MYSM1: variants seen among roughly 807,000 people sequenced by gnomAD.
MYSM1 encodes the protein Myb like, SWIRM and MPN domains 1.
In MYSM1, 51 loss-of-function variants were observed where a neutral mutation model predicts 116.0. The observed-to-expected ratio is 0.44, with a 90% CI of 0.35 to 0.56. MYSM1 has a LOEUF of 0.56. Among genes scored for constraint, MYSM1 ranks in the 20% least tolerant of loss-of-function variants. The probability of loss-of-function intolerance (pLI) is 0.00; values close to 1 mark genes in which losing one functional copy is unlikely to be tolerated. For synonymous variants in MYSM1, 313 were observed against 315.2 expected (o/e 0.99, Z 0.07); for missense variants, 900 against 974.9 (o/e 0.92, Z 1.02).
intron 2 of MYSM1, 58 bp downstream of exon 2, chr1:58,695,071 A>C: frequency 1.1e-6 from 1 of 941,888 alleles, no homozygotes. Flanking sequence ...AAAAAGAAGA[A>C]GCACTCTAGG....
At position 58,690,132 on chromosome 1, in the gene MYSM1, G is replaced by A. The variant is rs956096753; in HGVS notation, c.320+94C>T. The A allele has an allele frequency of 1.9e-5, 19 of 993,862 alleles. No homozygotes were observed. In the East Asian group the frequency reaches 5.4e-4, roughly 28 times the overall value. 61.6% of individuals were successfully genotyped at this position (993,862 alleles called of 1,614,324 possible). On this transcript the variant is annotated intron_variant, in intron 5 of 19. Transcript: ENST00000472487. ...TTATATCTACTTTAAGGTCAAGAGG[G>A]CTTTTCCACAGGCCAACTATAATTA... is the stretch of plus-strand genomic sequence containing the variant.
intron 17 of MYSM1, among the ~76,000 whole-genome samples, chr1:58,664,732 G>C (rs929112047): frequency 1.3e-5 from 2 of 152,130 alleles, no homozygotes; most frequent in African/African-American, 4.8e-5. Flanking sequence ...GAAAAAATGG[G>C]TACAATACAG....
intron 10 of MYSM1, among the ~76,000 whole-genome samples, chr1:58,674,931 A>T (rs539336111): frequency 6.7e-6 from 1 of 149,402 alleles, no homozygotes; most frequent in Non-Finnish European, 1.5e-5. Flanking sequence ...TGTCTCAAAA[A>T]AAAAAAAAAA....
chr1:58,668,890 A>G, intron 13 of MYSM1, 94 bp downstream of exon 13: 1 of 1,033,268 alleles, frequency 9.7e-7, no homozygotes, highest in South Asian at 1.5e-5. Context: ...CTTTTTATAC[A>G]TATGCCTTGC....
intron 17 of MYSM1, among the ~76,000 whole-genome samples, chr1:58,661,834 T>C (rs1219838304): frequency 6.6e-6 from 1 of 152,118 alleles, no homozygotes; most frequent in Non-Finnish European, 1.5e-5. Flanking sequence ...AAGAAGGTAC[T>C]ATTAATAATT....
chr1:58,661,567 C>T (rs940057766), intron 17 of MYSM1, 56 bp from the exon 18 acceptor site: 2 of 966,374 alleles, frequency 2.1e-6, no homozygotes, highest in Non-Finnish European at 3.2e-6. Flanking sequence ...TCTCCAATCT[C>T]CTTTTAATTA....
Position 58,690,362 on chromosome 1 carries a change from C to G in MYSM1, c.274G>C (p.Asp92His), listed in dbSNP as rs779341703. The G allele has an allele frequency of 7.5e-6, 12 of 1,603,690 alleles. No individual in the cohort carries two copies. The highest frequency in any genetic ancestry group is 4.0e-5 in the African/African-American group (3 of 74,436). Residue 92 changes from aspartate (D) to histidine (H), a missense_variant, in exon 4 of 20, where the codon GAT becomes CAT. Physicochemically the swap from Asp to His is moderately conservative, Grantham distance 81 (BLOSUM62 -1). Transcript: ENST00000472487. The stretch of plus-strand genomic sequence containing the variant: ...TACCTCTTCATGTATTTTTTATCAT[C>G]TTCCTTTTGATCAAGCCAGACTTTT... Reference protein sequence around the residue: ...PEKVWLDQKEDDKKYMKSLQK... With the variant: ...PEKVWLDQKEHDKKYMKSLQK...
rs145449130 is a variant in MYSM1 at position 58,681,339 on chromosome 1, A to G, written c.1259+446T>C. 5.7e-3 allele frequency among the ~76,000 whole-genome samples: 870 copies of G among 152,378 alleles called. 9 individuals are homozygous for G. Among genetic ancestry groups the G allele is most frequent in the African/African-American group, 0.017 (711 of 41,592 alleles). ...AAGAAATTAATAGCACATTATTGTC[A>G]CAAGTTCAAAGTTAAAAGCATTTAA... On this transcript the variant is annotated intron_variant, in intron 8 of 19. Transcript: ENST00000472487.
chr1:58,687,027 G>A (rs1340655672), intron 6 of MYSM1, among the ~76,000 whole-genome samples: 1 of 151,184 alleles, frequency 6.6e-6, no homozygotes, highest in African/African-American at 2.4e-5. Context: ...TCAAAATAGA[G>A]CAAAGGGAGA....
intron 1 of MYSM1, 125 bp downstream of exon 1, chr1:58,699,860 A>C: frequency 8.8e-6 from 13 of 1,469,080 alleles, no homozygotes; most frequent in Non-Finnish European, 1.2e-5. Flanking sequence ...GGCCAACAAG[A>C]GACCCTGGCC....
chr1:58,671,723 C>G (rs115360987), intron 12 of MYSM1, 147 bp downstream of exon 12: 1 of 602,272 alleles, frequency 1.7e-6, no homozygotes, highest in African/African-American at 1.9e-5. Context: ...AATTCATAAT[C>G]AGTGAAACAA....
At chr1:58,685,941 T>C (rs1644821645) in intron 6 of MYSM1, among the ~76,000 whole-genome samples, 1 of 152,216 alleles carries the variant, frequency 6.6e-6, no homozygotes, top group Non-Finnish European at 1.5e-5. Flanking sequence ...TTTTATTTCA[T>C]TTTTGAGACA....
chr1:58,694,839 T>A (rs11207294), intron 2 of MYSM1, among the ~76,000 whole-genome samples: 2 of 151,832 alleles, frequency 1.3e-5, no homozygotes, highest in Non-Finnish European at 2.9e-5. Context: ...CACCTACCAC[T>A]TTTTTAGGTG....
Position 58,658,288 on chromosome 1 carries a change from C to T in MYSM1, c.*1709G>A, listed in dbSNP as rs762922154. ...ACTAATTGTTTTATAAGCTATACTT[C>T]ACTGTTTATCCTAAGTGCACACAGA... is the stretch of plus-strand genomic sequence containing the variant. On this transcript the variant is annotated 3_prime_UTR_variant, in exon 20 of 20. Coordinates refer to ENST00000472487, the MANE Select transcript of MYSM1 (RefSeq NM_001085487.3). The T allele has an allele frequency of 2.6e-5, 4 of 152,052 alleles. No homozygotes were observed. Among genetic ancestry groups the T allele is most frequent in the Non-Finnish European group, 4.4e-5 (3 of 68,000 alleles). The allele number at this position is 152,052 out of a possible 1,614,324, so 9.4% of individuals were successfully genotyped here. A position where few individuals can be genotyped will look rare whatever the true frequency, so the allele number is the denominator to read the frequency against.
intron 2 of MYSM1, among the ~76,000 whole-genome samples, chr1:58,694,323 A>G (rs902580422): frequency 6.6e-6 from 1 of 152,224 alleles, no homozygotes; most frequent in Non-Finnish European, 1.5e-5. Flanking sequence ...GTAAGTACTC[A>G]ATAAGTAACT....
intron 1 of MYSM1, among the ~76,000 whole-genome samples, chr1:58,695,887 T>G (rs1346013289): frequency 6.6e-6 from 1 of 152,214 alleles, no homozygotes; most frequent in Non-Finnish European, 1.5e-5. Context: ...TACCCCATAT[T>G]TGAAAAGGCT....
At chr1:58,693,583 T>C (rs1271337349) in intron 2 of MYSM1, among the ~76,000 whole-genome samples, 2 of 152,204 alleles carry the variant, frequency 1.3e-5, no homozygotes, top group Non-Finnish European at 2.9e-5. Context: ...TGTGGATTCT[T>C]TCCTTTTCCT....
rs202014604 is a variant in MYSM1 at position 58,666,884 on chromosome 1, AT to A, written c.2031+153del. 3.8e-4 allele frequency among the ~76,000 whole-genome samples: 51 copies of A among 133,698 alleles called. 1 individual carries two copies. The highest frequency in any genetic ancestry group is 7.1e-4 in the South Asian group (3 of 4,232). The allele number at this position is 133,698 out of a possible 152,430, so 87.7% of individuals were successfully genotyped here. A position where few individuals can be genotyped will look rare whatever the true frequency, so the allele number is the denominator to read the frequency against. ...AGCGAAACTCTGTCTCAAAAAAAAA[AT>A]AATAATAAAAATAAATAAAAATAAA... is the stretch of plus-strand genomic sequence containing the variant. On this transcript the variant is annotated intron_variant, in intron 16 of 19. Transcript: ENST00000472487.
chr1:58,694,358 C>T (rs964483493), intron 2 of MYSM1, among the ~76,000 whole-genome samples: 1 of 152,192 alleles, frequency 6.6e-6, no homozygotes, highest in Non-Finnish European at 1.5e-5. Context: ...CGCGGTGGCT[C>T]ACGCCTGTAA....
Sources: allele counts gnomAD v4.1 joint callset (sites outside exome capture counted in the v4.1 genomes callset), GRCh38; gene constraint gnomAD v4.1.1; transcripts MANE v1.5; gene names NCBI Gene and HGNC (gene_info 2026-07-23, HGNC 2026-07-21).